ATRNL1: variants seen among roughly 807,000 people sequenced by gnomAD.
ATRNL1 encodes the protein attractin-like protein 1.
In ATRNL1, 95 loss-of-function variants were observed where a neutral mutation model predicts 182.7. The observed-to-expected ratio is 0.52, with a 90% confidence interval of 0.44 to 0.62. The LOEUF is 0.62. Ranked by LOEUF, ATRNL1 falls within the 20% of genes least tolerant of loss-of-function variation. ATRNL1 has a pLI of 0.00. For synonymous variants in ATRNL1, 576 were observed against 568.3 expected, an observed-to-expected ratio of 1.01 and a Z score of -0.19; for missense variants, 1,471 against 1,679.5, an observed-to-expected ratio of 0.88 and a Z score of 2.17.
At chr10:115,342,435 A>G (rs1855795851) in intron 19 of ATRNL1, among the ~76,000 whole-genome samples, 1 of 152,124 alleles carries the variant, frequency 6.6e-6, no homozygotes, top group Non-Finnish European at 1.5e-5. Flanking sequence ...ACAACTTGAC[A>G]CTGTTTGCAT....
At chr10:115,703,127 T>TG (rs1946790615) in intron 26 of ATRNL1, among the ~76,000 whole-genome samples, 1 of 151,988 alleles carries the variant, frequency 6.6e-6, no homozygotes, top group Non-Finnish European at 1.5e-5. Flanking sequence ...CCCTGTGGTC[T>TG]TTGACAGAGT....
rs529814223 is a variant in ATRNL1 at position 115,532,602 on chromosome 10, T to C, written c.3716+13278T>C. Among the ~76,000 whole-genome samples, 366 of 151,426 alleles carry C rather than the reference T, an allele frequency of 2.4e-3. 1 individual carries two copies. Among genetic ancestry groups the C allele is most frequent in the African/African-American group, 7.9e-3 (324 of 41,250 alleles). On this transcript the variant is annotated intron_variant, in intron 25 of 28. Coordinates refer to ENST00000355044, the MANE Select transcript of ATRNL1 (RefSeq NM_207303.4). ...ACAATTTGACTTCCTCTTTTCCTAA[T>C]TGAATACCCTTTATTTCCTTCTCCT...
At chr10:115,721,676 C>G (rs1291716359) in intron 26 of ATRNL1, among the ~76,000 whole-genome samples, 6 of 152,164 alleles carry the variant, frequency 3.9e-5, no homozygotes, top group African/African-American at 1.4e-4. Context: ...CACTCGGTCC[C>G]TCCCACAACA....
At chr10:115,883,382 T>A (rs1310096276) in intron 28 of ATRNL1, among the ~76,000 whole-genome samples, 2 of 152,236 alleles carry the variant, frequency 1.3e-5, no homozygotes, top group Non-Finnish European at 2.9e-5. Flanking sequence ...TATCTTTAGA[T>A]AAACACCCCA....
At chr10:115,489,470 C>A (rs1267272766) in intron 24 of ATRNL1, among the ~76,000 whole-genome samples, 8 of 152,120 alleles carry the variant, frequency 5.3e-5, no homozygotes, top group African/African-American at 1.9e-4. Flanking sequence ...ATCCCTTTAC[C>A]ATTATGTAAT....
chr10:115,214,067 C>CACACAT (rs1297035795), intron 8 of ATRNL1, among the ~76,000 whole-genome samples: 2,979 of 150,070 alleles, frequency 0.02, 100 homozygotes, highest in African/African-American at 0.068. Flanking sequence ...CACACACACA[C>CACACAT]ATATATATAA....
intron 8 of ATRNL1, among the ~76,000 whole-genome samples, chr10:115,194,183 T>C (rs1848269682): frequency 1.3e-5 from 2 of 152,066 alleles, no homozygotes; most frequent in Non-Finnish European, 2.9e-5. Flanking sequence ...AGCTATTAGA[T>C]GAAATGGTCT....
chr10:115,217,564 A>G (rs1554896578), intron 9 of ATRNL1, among the ~76,000 whole-genome samples: 1 of 152,114 alleles, frequency 6.6e-6, no homozygotes, highest in Non-Finnish European at 1.5e-5. Flanking sequence ...TAAAGTCAAA[A>G]TGAGAGATTC....
At chr10:115,436,261 G>C (rs671660) in intron 21 of ATRNL1, among the ~76,000 whole-genome samples, 2,439 of 152,102 alleles carry the variant, frequency 0.016, 64 homozygotes, top group African/African-American at 0.055. Flanking sequence ...GTGATTTTGA[G>C]CTATTATGAA....
chr10:115,811,053 C>G (rs1950035986), intron 27 of ATRNL1, among the ~76,000 whole-genome samples: 1 of 151,636 alleles, frequency 6.6e-6, no homozygotes, highest in African/African-American at 2.4e-5. Context: ...TCGTTAGTGT[C>G]CTAGGAGGGA....
chr10:115,603,455 G>A (rs1008618839), intron 26 of ATRNL1, among the ~76,000 whole-genome samples: 4 of 152,116 alleles, frequency 2.6e-5, no homozygotes, highest in African/African-American at 4.8e-5. Context: ...TAGAGCAGAC[G>A]ATGCTCCTAG....
chr10:115,269,878 A>T (rs1851767593), intron 13 of ATRNL1, among the ~76,000 whole-genome samples: 1 of 128,472 alleles, frequency 7.8e-6, no homozygotes, highest in Non-Finnish European at 1.7e-5. Flanking sequence ...TGTAAGTTTT[A>T]TGACTTTAAT....
chr10:115,253,367 G>T (rs1356989658), intron 10 of ATRNL1, among the ~76,000 whole-genome samples: 5 of 152,156 alleles, frequency 3.3e-5, no homozygotes, highest in African/African-American at 9.7e-5. Flanking sequence ...GGAAGGGTGT[G>T]CCCTTGAGTG....
chr10:115,317,619 T>C (rs1238650170), intron 18 of ATRNL1, among the ~76,000 whole-genome samples: 1 of 152,180 alleles, frequency 6.6e-6, no homozygotes, highest in East Asian at 1.9e-4. Context: ...ACATCCCTTG[T>C]TAGCTCTATT....
intron 28 of ATRNL1, among the ~76,000 whole-genome samples, chr10:115,853,748 C>G (rs190888416): frequency 3.3e-5 from 5 of 152,002 alleles, no homozygotes; most frequent in Non-Finnish European, 7.4e-5. Flanking sequence ...TTATAGGCAG[C>G]GTATGTGTCT....
chr10:115,918,558 T>A (rs1266953646), intron 28 of ATRNL1, among the ~76,000 whole-genome samples: 1 of 152,222 alleles, frequency 6.6e-6, no homozygotes, highest in East Asian at 1.9e-4. Context: ...ATAATTAGAA[T>A]TTTTAGAATT....
intron 27 of ATRNL1, among the ~76,000 whole-genome samples, chr10:115,737,078 TG>T (rs1947972924): frequency 1.3e-5 from 2 of 152,110 alleles, no homozygotes; most frequent in Non-Finnish European, 1.5e-5. Flanking sequence ...CAGTTTTATC[TG>T]GTTGCCTTGG....
intron 26 of ATRNL1, among the ~76,000 whole-genome samples, chr10:115,662,741 C>G (rs1429440720): frequency 6.6e-6 from 1 of 151,882 alleles, no homozygotes; most frequent in Non-Finnish European, 1.5e-5. Context: ...TCTGATCATT[C>G]CAAAGGCAGA....
chr10:115,620,434 T>G (rs1258694263), intron 26 of ATRNL1, among the ~76,000 whole-genome samples: 1 of 152,180 alleles, frequency 6.6e-6, no homozygotes, highest in Non-Finnish European at 1.5e-5. Flanking sequence ...AGGAGTTACA[T>G]AAAGGATGAT....
Sources: gnomAD v4.1 joint callset for allele counts (sites outside exome capture counted in the v4.1 genomes callset) on GRCh38, gnomAD v4.1.1 for gene constraint, MANE v1.5 for transcripts, NCBI Gene and HGNC (gene_info 2026-07-23, HGNC 2026-07-21) for gene names.